The following RAPGEF4 variants were observed in gnomAD, a reference collection of about 807,000 sequenced individuals.
RAPGEF4 encodes RAP guanine-nucleotide-exchange factor (GEF) 4.
RAPGEF4 carries 66 observed loss-of-function variants against 147.9 expected under a neutral mutation model. The ratio of observed to expected loss-of-function variants is 0.45; its 90% confidence interval spans 0.37 to 0.55. The LOEUF (loss-of-function observed/expected upper bound fraction) is 0.55. RAPGEF4 is among the 20% of genes least tolerant of loss of function. The pLI, the probability that RAPGEF4 is intolerant of heterozygous loss-of-function variation, is 0.00. For synonymous variants in RAPGEF4, 419 were observed against 442.7 expected, an observed-to-expected ratio of 0.95 and a Z score of 0.67; for missense variants, 1,071 against 1,257.3, an observed-to-expected ratio of 0.85 and a Z score of 2.24.
chr2:172,972,985 CTTAAAG>C (rs1368399620), intron 10 of RAPGEF4, among the ~76,000 whole-genome samples: 1 of 152,086 alleles, frequency 6.6e-6, no homozygotes, highest in Admixed American at 6.5e-5. Flanking sequence ...AGCATTCTCT[CTTAAAG>C]TTAAATATCC....
intron 29 of RAPGEF4, among the ~76,000 whole-genome samples, chr2:173,039,045 C>T (rs1684411945): frequency 6.6e-6 from 1 of 152,244 alleles, no homozygotes; most frequent in African/African-American, 2.4e-5. Flanking sequence ...CTTGCTCTCA[C>T]AGAGTCCACT....
chr2:172,821,607 C>G, intron 4 of RAPGEF4: 1 of 1,000,110 alleles, frequency 1.0e-6, no homozygotes, highest in South Asian at 4.6e-5. Flanking sequence ...AAGCGGAAGC[C>G]TGCTTCGATG....
chr2:172,925,797 GAAAGAA>G (rs1685255954), intron 6 of RAPGEF4, among the ~76,000 whole-genome samples: 2 of 120,662 alleles, frequency 1.7e-5, no homozygotes, highest in Admixed American at 8.8e-5. Flanking sequence ...GAGAGAGAGA[GAAAGAA>G]AGAAAGAGAG....
chr2:172,779,008 T>C (rs918538733), intron 1 of RAPGEF4, among the ~76,000 whole-genome samples: 1 of 152,340 alleles, frequency 6.6e-6, no homozygotes, highest in East Asian at 1.9e-4. Context: ...AAAAAAGTAA[T>C]TTAATTTTCT....
intron 14 of RAPGEF4, among the ~76,000 whole-genome samples, chr2:172,989,535 G>A (rs1445452900): frequency 6.6e-6 from 1 of 152,174 alleles, no homozygotes; most frequent in Non-Finnish European, 1.5e-5. Flanking sequence ...TAAGGAATTT[G>A]TGAGTGTGGG....
chr2:172,804,674 G>A (rs563927754), intron 3 of RAPGEF4, among the ~76,000 whole-genome samples: 23 of 152,340 alleles, frequency 1.5e-4, no homozygotes, highest in Admixed American at 1.3e-3. Context: ...CAAGGCATCT[G>A]CTCCCAAGGG....
intron 9 of RAPGEF4, among the ~76,000 whole-genome samples, 199 bp downstream of exon 9, chr2:172,965,882 T>TA (rs1056263064): frequency 2.3e-4 from 35 of 152,224 alleles, no homozygotes; most frequent in African/African-American, 8.2e-4. Flanking sequence ...TGTACCTTCC[T>TA]AACTTGGGAG....
intron 26 of RAPGEF4, among the ~76,000 whole-genome samples, chr2:173,031,927 C>G (rs920696903): frequency 2.6e-5 from 4 of 152,106 alleles, no homozygotes; most frequent in Non-Finnish European, 5.9e-5. Flanking sequence ...GAAAACCTCC[C>G]AAAAGCCTCC....
At chr2:172,981,142 C>A (rs1268703868) in intron 10 of RAPGEF4, among the ~76,000 whole-genome samples, 1 of 152,172 alleles carries the variant, frequency 6.6e-6, no homozygotes, top group East Asian at 1.9e-4. Context: ...CGTAACAGCC[C>A]ACCCCATGGA....
intron 29 of RAPGEF4, among the ~76,000 whole-genome samples, chr2:173,040,586 T>C (rs1684642277): frequency 6.6e-6 from 1 of 152,206 alleles, no homozygotes; most frequent in African/African-American, 2.4e-5. Flanking sequence ...GGCAGCATTG[T>C]AGAGTCACAG....
At chr2:172,887,091 G>A (rs1180400120) in intron 4 of RAPGEF4, among the ~76,000 whole-genome samples, 1 of 151,912 alleles carries the variant, frequency 6.6e-6, no homozygotes, top group African/African-American at 2.4e-5. Flanking sequence ...GGATGGTGAG[G>A]CAGGAGAATC....
At chr2:172,882,995 A>G (rs1173533765) in intron 4 of RAPGEF4, among the ~76,000 whole-genome samples, 1 of 152,142 alleles carries the variant, frequency 6.6e-6, no homozygotes, top group South Asian at 2.1e-4. Context: ...ATTTCCAATT[A>G]TCCACTGATT....
At chr2:172,865,944 A>G (rs923269107) in intron 4 of RAPGEF4, among the ~76,000 whole-genome samples, 4 of 152,102 alleles carry the variant, frequency 2.6e-5, no homozygotes, top group African/African-American at 9.7e-5. Flanking sequence ...AAGATAGAAG[A>G]GGTTTTTCCT....
intron 29 of RAPGEF4, among the ~76,000 whole-genome samples, chr2:173,044,166 G>A (rs1206694353): frequency 6.6e-6 from 1 of 151,590 alleles, no homozygotes; most frequent in Non-Finnish European, 1.5e-5. Context: ...ACTAAGGAGC[G>A]GGTTTTTCAC....
chr2:172,809,551 G>A (rs1409216803), intron 3 of RAPGEF4, among the ~76,000 whole-genome samples: 2 of 152,136 alleles, frequency 1.3e-5, no homozygotes, highest in Admixed American at 1.3e-4. Context: ...TTTTTTTAGA[G>A]ACAGAGTCTT....
chr2:172,986,891 G>T lies in RAPGEF4; in HGVS notation c.1151-1305G>T, dbSNP rs542989366. ...TTTTTGTATTTTTAGTAGAGGCAGGGTTTCACCTAGTTGGCAGGCTGGTCT... is the reference window on the plus strand; with the variant it reads ...TTTTTGTATTTTTAGTAGAGGCAGGTTTTCACCTAGTTGGCAGGCTGGTCT... On this transcript the variant is annotated intron_variant, in intron 12 of 30. Coordinates refer to ENST00000397081, the MANE Select transcript of RAPGEF4 (RefSeq NM_007023.4). Among the ~76,000 whole-genome samples, 234 of 152,128 alleles carry T rather than the reference G, an allele frequency of 1.5e-3. 1 individual carries two copies. Among genetic ancestry groups the T allele is most frequent in the South Asian group, 3.7e-3 (18 of 4,810 alleles).
intron 3 of RAPGEF4, among the ~76,000 whole-genome samples, chr2:172,808,728 T>C (rs560754448): frequency 6.6e-6 from 1 of 152,328 alleles, no homozygotes; most frequent in East Asian, 1.9e-4. Flanking sequence ...CAAATGAAGA[T>C]ACTGAGGCTC....
At chr2:172,947,016 A>G (rs930153048) in intron 6 of RAPGEF4, among the ~76,000 whole-genome samples, 4 of 152,200 alleles carry the variant, frequency 2.6e-5, no homozygotes, top group Non-Finnish European at 5.9e-5. Flanking sequence ...AATTTAATAC[A>G]TTGCCTAAAC....
rs150495482 is a variant in RAPGEF4 at position 173,017,191 on chromosome 2, C to T, written c.1916C>T (p.Ala639Val). 2,681 of 1,613,516 alleles carry T rather than the reference C, an allele frequency of 1.7e-3. 4 individuals are homozygous for T. The highest frequency in any genetic ancestry group is 1.9e-3 in the Non-Finnish European group (2,293 of 1,179,416). The stretch of plus-strand genomic sequence containing the variant: ...TCTCGTAGCTCAGAAGATGCAAAGG[C>T]ACCACAAAAGAAGGTAGGTGGCATG... ...IVKQISEDAK[A>V]PQKKHKVLLQ... The change falls in exon 20 of 31, where the codon GCA (alanine) becomes GTA (valine). Residue 639 changes from alanine to valine, a missense_variant. By Grantham distance (64) the Ala-to-Val change is moderately conservative. Coordinates refer to ENST00000397081, the MANE Select transcript of RAPGEF4 (RefSeq NM_007023.4).
Sources: allele counts gnomAD v4.1 joint callset (sites outside exome capture counted in the v4.1 genomes callset), GRCh38; gene constraint gnomAD v4.1.1; transcripts MANE v1.5; gene names NCBI Gene and HGNC (gene_info 2026-07-23, HGNC 2026-07-21).